The following LRBA variants were observed in gnomAD, a reference collection of about 807,000 sequenced individuals.
LRBA encodes lipopolysaccharide-responsive and beige-like anchor protein.
LRBA carries 176 observed loss-of-function variants against 330.0 expected under a neutral mutation model. The observed-to-expected ratio is 0.53, with a 90% confidence interval of 0.47 to 0.60. LRBA has a LOEUF of 0.60. Ranked by LOEUF, LRBA falls within the 20% of genes least tolerant of loss-of-function variation. The pLI is 0.00. For synonymous variants in LRBA, 1,230 were observed against 1,193.0 expected, an observed-to-expected ratio of 1.03 and a Z score of -0.64; for missense variants, 3,259 against 3,444.8, an observed-to-expected ratio of 0.95 and a Z score of 1.35.
At chr4:150,552,228 C>CA (rs1373457359) in intron 40 of LRBA, among the ~76,000 whole-genome samples, 1 of 152,046 alleles carries the variant, frequency 6.6e-6, no homozygotes, top group Non-Finnish European at 1.5e-5. Context: ...AGACAGAATA[C>CA]AAAAATACAG....
At chr4:150,423,357 C>G in intron 46 of LRBA, 1 of 673,076 alleles carries the variant, frequency 1.5e-6, no homozygotes, top group African/African-American at 1.8e-5. Flanking sequence ...CGTCAAGGGT[C>G]TTCTGCCCAC....
chr4:150,988,605 A>G (rs1044687195), intron 2 of LRBA, among the ~76,000 whole-genome samples: 4 of 152,074 alleles, frequency 2.6e-5, no homozygotes, highest in Non-Finnish European at 4.4e-5. Flanking sequence ...TTTGAGACAC[A>G]GTCTCGCTCT....
chr4:150,983,905 G>C (rs17027226), intron 2 of LRBA, among the ~76,000 whole-genome samples: 17,181 of 152,126 alleles, frequency 0.11, 1,391 homozygotes, highest in South Asian at 0.29. Context: ...ATACTTCTGG[G>C]ATGTTTTTAT....
chr4:150,700,758 C>CTTT (rs35721808), intron 36 of LRBA, among the ~76,000 whole-genome samples: 7 of 141,924 alleles, frequency 4.9e-5, no homozygotes, highest in African/African-American at 1.5e-4. Context: ...CTATAATTTC[C>CTTT]TTTTTTTTTT....
intron 37 of LRBA, among the ~76,000 whole-genome samples, chr4:150,603,027 C>G (rs1373009493): frequency 6.6e-6 from 1 of 152,162 alleles, no homozygotes; most frequent in Non-Finnish European, 1.5e-5. Context: ...AACACCCTTT[C>G]ACAAACTTCA....
chr4:150,349,839 C>G (rs1361168369), intron 48 of LRBA, among the ~76,000 whole-genome samples, 153 bp downstream of exon 48: 1 of 152,164 alleles, frequency 6.6e-6, no homozygotes, highest in Non-Finnish European at 1.5e-5. Flanking sequence ...CAAGTTCTTG[C>G]TAGGTCACTG....
chr4:150,858,369 C>G (rs1163796409), intron 22 of LRBA, among the ~76,000 whole-genome samples: 2 of 151,140 alleles, frequency 1.3e-5, no homozygotes, highest in Non-Finnish European at 2.9e-5. Flanking sequence ...AACAGTCTGT[C>G]TCTCTCTCTT....
At chr4:150,575,233 C>T (rs1257237951) in intron 40 of LRBA, among the ~76,000 whole-genome samples, 12 of 151,900 alleles carry the variant, frequency 7.9e-5, no homozygotes, top group Admixed American at 7.9e-4. Context: ...TTATATTACA[C>T]AGATGTCTTC....
chr4:150,454,278 T>C (rs1753776078), intron 44 of LRBA, among the ~76,000 whole-genome samples: 1 of 152,094 alleles, frequency 6.6e-6, no homozygotes, highest in African/African-American at 2.4e-5. Flanking sequence ...TGTATTTTAA[T>C]TTGTGTAAGG....
chr4:150,647,071 C>G (rs1183250248), intron 37 of LRBA, among the ~76,000 whole-genome samples: 2 of 151,870 alleles, frequency 1.3e-5, no homozygotes, highest in East Asian at 3.9e-4. Flanking sequence ...ATCAGTAAAA[C>G]TAATATTTTA....
intron 46 of LRBA, among the ~76,000 whole-genome samples, chr4:150,434,396 CT>C (rs2151990446): frequency 6.6e-6 from 1 of 152,158 alleles, no homozygotes; most frequent in East Asian, 1.9e-4. Flanking sequence ...CTTGTTTTTG[CT>C]TTATTAATAA....
chr4:150,804,375 A>C (rs956053548), intron 33 of LRBA, among the ~76,000 whole-genome samples: 2 of 152,170 alleles, frequency 1.3e-5, no homozygotes, highest in Non-Finnish European at 1.5e-5. Flanking sequence ...TGAAATTCCT[A>C]ACTAAAGCTT....
intron 37 of LRBA, among the ~76,000 whole-genome samples, chr4:150,637,651 C>T (rs1403677582): frequency 2.0e-5 from 3 of 152,170 alleles, no homozygotes; most frequent in Non-Finnish European, 4.4e-5. Flanking sequence ...GCAAAGAACT[C>T]AGGGCCTTAG....
intron 28 of LRBA, among the ~76,000 whole-genome samples, chr4:150,835,167 T>G (rs1747839129): frequency 6.6e-6 from 1 of 152,218 alleles, no homozygotes; most frequent in African/African-American, 2.4e-5. Context: ...GGTCTATATC[T>G]CTGTTTTCAT....
chr4:150,698,761 A>G (rs1483199277), intron 36 of LRBA, among the ~76,000 whole-genome samples: 1 of 152,208 alleles, frequency 6.6e-6, no homozygotes, highest in East Asian at 1.9e-4. Flanking sequence ...GTATGTATAT[A>G]CCTGTCCTTT....
At chr4:150,756,643 T>C (rs905214479) in intron 35 of LRBA, among the ~76,000 whole-genome samples, 18 of 152,292 alleles carry the variant, frequency 1.2e-4, no homozygotes, top group Non-Finnish European at 2.5e-4. Context: ...ACAAATCGAA[T>C]ACACAAATAA....
intron 47 of LRBA, among the ~76,000 whole-genome samples, chr4:150,389,154 T>C (rs1022276289): frequency 6.6e-6 from 1 of 152,050 alleles, no homozygotes; most frequent in African/African-American, 2.4e-5. Flanking sequence ...CTTATTAACT[T>C]TTATAAAGGC....
At chr4:150,812,514 TTC>T (rs958718306) in intron 31 of LRBA, among the ~76,000 whole-genome samples, 7 of 152,286 alleles carry the variant, frequency 4.6e-5, no homozygotes, top group African/African-American at 1.7e-4. Context: ...AGCACTGCAT[TTC>T]TCTCTCTCTT....
At chr4:150,876,932 AC>A (rs1161705411) in intron 17 of LRBA, among the ~76,000 whole-genome samples, 1 of 152,128 alleles carries the variant, frequency 6.6e-6, no homozygotes, top group African/African-American at 2.4e-5. Flanking sequence ...GATAAAAAAA[AC>A]AAAACTCATC....
Sources: gnomAD v4.1 joint callset for allele counts (sites outside exome capture counted in the v4.1 genomes callset) on GRCh38, gnomAD v4.1.1 for gene constraint, MANE v1.5 for transcripts, NCBI Gene and HGNC (gene_info 2026-07-23, HGNC 2026-07-21) for gene names.